Variants in DCDC1 observed in about 807,000 individuals in gnomAD.
The protein encoded by DCDC1 is doublecortin domain-containing protein 1.
In DCDC1, 200 loss-of-function variants were observed where a neutral mutation model predicts 178.3. That is an observed-to-expected ratio of 1.12 (90% CI 1.00 to 1.26). DCDC1 has a LOEUF of 1.26. DCDC1 is among the 50% of genes most tolerant of loss of function. DCDC1 has a pLI of 0.00. For synonymous variants in DCDC1, 690 were observed against 604.8 expected (o/e 1.14, Z -2.07); for missense variants, 1,983 against 1,749.2 (o/e 1.13, Z -2.38).
Position 31,091,514 on chromosome 11 carries a change from TC to T in DCDC1, c.2119-4del, listed in dbSNP as rs1309808678. On this transcript the variant is annotated splice_polypyrimidine_tract_variant and splice_region_variant and intron_variant, in intron 16 of 38. Coordinates refer to ENST00000684477, the MANE Select transcript of DCDC1 (RefSeq NM_001387274.1). ...GCTCGGCTCAGGATCATTCCAGTCT[TC>T]CAATGAATAGAGAGGGGGAGAAAGG... is the stretch of plus-strand genomic sequence containing the variant. The T allele has an allele frequency of 1.3e-6, 1 of 745,160 alleles. No individual in the cohort carries two copies. The highest frequency in any genetic ancestry group is 1.8e-5 in the Admixed American group (1 of 56,158). The allele number at this position is 745,160 out of a possible 1,614,324, so 46.2% of individuals were successfully genotyped here. A position where few individuals can be genotyped will look rare whatever the true frequency, so the allele number is the denominator to read the frequency against.
Position 30,906,607 on chromosome 11 carries a change from C to T in DCDC1, c.4037G>A (p.Cys1346Tyr), listed in dbSNP as rs1945083919. The T allele has an allele frequency of 1.2e-6, 2 of 1,613,276 alleles. No individual in the cohort carries two copies. Among genetic ancestry groups the T allele is most frequent in the African/African-American group, 1.3e-5 (1 of 74,880 alleles). The change falls in exon 30 of 39, where the codon TGT becomes TAT. Residue 1346 changes from cysteine (C) to tyrosine (Y), a missense_variant. Cys to Tyr is a radical substitution (Grantham distance 194). Coordinates refer to ENST00000684477, the MANE Select transcript of DCDC1 (RefSeq NM_001387274.1). ...KQLLPGVPFL[C>Y]ISGTKTQKPF... is the part of the protein sequence containing the mutation. ...CTTCTGAGTCTTGGTGCCTGAAATACAGAGGAATGGAACCCCTGGAAGCAA... is the reference window on the plus strand; with the variant it reads ...CTTCTGAGTCTTGGTGCCTGAAATATAGAGGAATGGAACCCCTGGAAGCAA...
At chr11:31,075,895 A>G (rs917878220) in intron 18 of DCDC1, among the ~76,000 whole-genome samples, 8 of 152,070 alleles carry the variant, frequency 5.3e-5, no homozygotes, top group African/African-American at 1.9e-4. Flanking sequence ...CTTGTTGCCC[A>G]TACTGGAGTG....
At chr11:31,343,522 G>C (rs1199082314) in intron 1 of DCDC1, among the ~76,000 whole-genome samples, 1 of 152,034 alleles carries the variant, frequency 6.6e-6, no homozygotes, top group Admixed American at 6.6e-5. Context: ...GGTCAGGCTG[G>C]TCTCAAACTC....
intron 36 of DCDC1, among the ~76,000 whole-genome samples, chr11:30,891,016 G>A (rs997499220): frequency 6.6e-6 from 1 of 152,114 alleles, no homozygotes; most frequent in African/African-American, 2.4e-5. Flanking sequence ...GCTTTGATAT[G>A]TACTTTCTTA....
intron 20 of DCDC1, among the ~76,000 whole-genome samples, chr11:31,010,206 G>A (rs1286417810): frequency 1.3e-5 from 2 of 152,244 alleles, no homozygotes; most frequent in Non-Finnish European, 2.9e-5. Context: ...CATCACAAGT[G>A]TGAAGTCCAG....
chr11:30,915,662 C>A lies in DCDC1; in HGVS notation c.3502G>T (p.Glu1168Ter). 1 of 1,613,858 alleles carries A rather than the reference C, an allele frequency of 6.2e-7. No individual in the cohort carries two copies. The highest frequency in any genetic ancestry group is 1.1e-5 in the South Asian group (1 of 91,058). Residue 1168 changes from glutamate to a stop codon, truncating the protein, a stop_gained, in exon 27 of 39, where the codon GAA (glutamate) becomes TAA (stop). Transcript: ENST00000684477. LOFTEE classifies it high-confidence loss of function. ...CTTATAATCTGCCCATCTCTGTATT[C>A]GAACTGCTGATGACAATGCTTGTGC... ...KLHKHCHQQF[E>*]YRDGQIISHA... is the part of the protein sequence containing the mutation.
chr11:31,345,179 G>C (rs906348493), intron 1 of DCDC1, among the ~76,000 whole-genome samples: 2 of 152,062 alleles, frequency 1.3e-5, no homozygotes, highest in Non-Finnish European at 2.9e-5. Flanking sequence ...ATAGTATGTG[G>C]TTATTGCAGA....
chr11:31,196,803 C>T (rs1437904304), intron 9 of DCDC1, among the ~76,000 whole-genome samples: 1 of 152,090 alleles, frequency 6.6e-6, no homozygotes, highest in Admixed American at 6.6e-5. Context: ...ATCTCCAACT[C>T]CTCCCCAAAG....
In DCDC1 at chr11:30,892,897, T is replaced by C; in HGVS notation, c.5003A>G (p.Asn1668Ser). ...TAGATAAATCCACACTCGTTTTGTGTTGGGCTGCTTATACAGGTTGCTCGG... is the reference window on the plus strand; with the variant it reads ...TAGATAAATCCACACTCGTTTTGTGCTGGGCTGCTTATACAGGTTGCTCGG... ...VKPSNLYKQP[N>S]TKRVWIYLNG... The change falls in exon 36 of 39, where the codon AAC becomes AGC. Residue 1668 changes from asparagine (N) to serine (S), a missense_variant. By Grantham distance (46) the Asn-to-Ser change is conservative. Coordinates refer to ENST00000684477, the MANE Select transcript of DCDC1 (RefSeq NM_001387274.1). 6.2e-7 allele frequency: 1 copy of C among 1,613,956 alleles called. No homozygotes were observed. The highest frequency in any genetic ancestry group is 8.5e-7 in the Non-Finnish European group (1 of 1,179,846).
At chr11:30,932,866 A>T (rs1250302498) in intron 21 of DCDC1, among the ~76,000 whole-genome samples, 1 of 152,192 alleles carries the variant, frequency 6.6e-6, no homozygotes, top group Non-Finnish European at 1.5e-5. Context: ...CCAAGTTCAC[A>T]GTTTGGGTAA....
At chr11:30,939,599 T>G (rs898410470) in intron 21 of DCDC1, among the ~76,000 whole-genome samples, 8 of 152,146 alleles carry the variant, frequency 5.3e-5, no homozygotes, top group African/African-American at 1.7e-4. Context: ...GTTTCATTAT[T>G]CCCCTTGTAA....
Position 31,022,643 on chromosome 11 carries a change from TTGTGTGTGTGTGTG to T in DCDC1, c.2591+41812_2591+41825del, listed in dbSNP as rs4067986. On this transcript the variant is annotated intron_variant, in intron 20 of 38. Coordinates refer to ENST00000684477, the MANE Select transcript of DCDC1 (RefSeq NM_001387274.1). The stretch of plus-strand genomic sequence containing the variant: ...TCTTGTTTATCTAGTGTCTTTTAGT[TTGTGTGTGTGTGTG>T]TGTGTGTGTGTGTGTGTGTGTGTGT... Among the ~76,000 whole-genome samples, 19 of 121,046 alleles carry T rather than the reference TTGTGTGTGTGTGTG, an allele frequency of 1.6e-4. 1 individual carries two copies. The East Asian group carries it at 1.6e-3, about 10-fold the overall frequency. 79.4% of individuals were successfully genotyped at this position (121,046 alleles called of 152,430 possible). A position where few individuals can be genotyped will look rare whatever the true frequency, so the allele number is the denominator to read the frequency against.
At chr11:31,166,506 T>C (rs1255172669) in intron 9 of DCDC1, among the ~76,000 whole-genome samples, 1 of 152,142 alleles carries the variant, frequency 6.6e-6, no homozygotes, top group African/African-American at 2.4e-5. Context: ...ATGCAAAGCA[T>C]GACAAAAGAA....
chr11:30,878,858 T>G (rs981706902), intron 37 of DCDC1, 147 bp from the exon 38 acceptor site: 2 of 656,976 alleles, frequency 3.0e-6, no homozygotes, highest in Admixed American at 7.0e-5. Flanking sequence ...TGACTTCTTA[T>G]CACATGAGAT....
At chr11:31,055,760 A>G (rs1240328202) in intron 20 of DCDC1, among the ~76,000 whole-genome samples, 1 of 152,188 alleles carries the variant, frequency 6.6e-6, no homozygotes. Flanking sequence ...GAATGGAAAA[A>G]CCAAACATCA....
At chr11:30,918,013 C>T (rs1420620186) in intron 25 of DCDC1, among the ~76,000 whole-genome samples, 1 of 151,702 alleles carries the variant, frequency 6.6e-6, no homozygotes, top group African/African-American at 2.4e-5. Flanking sequence ...GCAGCACAAG[C>T]GGCTTCTGAA....
At chr11:31,213,163 G>GTCT (rs1972972363) in intron 9 of DCDC1, among the ~76,000 whole-genome samples, 1 of 73,856 alleles carries the variant, frequency 1.4e-5, no homozygotes, top group African/African-American at 5.8e-5. Flanking sequence ...CTCTCTCTCT[G>GTCT]CTTTCTTTAC....
intron 7 of DCDC1, among the ~76,000 whole-genome samples, chr11:31,285,088 A>G (rs936736337): frequency 3.3e-5 from 5 of 151,854 alleles, no homozygotes; most frequent in Non-Finnish European, 5.9e-5. Context: ...TTAGAATTTC[A>G]TTTTTAAAAA....
intron 17 of DCDC1, among the ~76,000 whole-genome samples, chr11:31,082,279 G>A (rs748467377): frequency 2.0e-5 from 3 of 152,026 alleles, no homozygotes; most frequent in Non-Finnish European, 4.4e-5. Context: ...TTAGTCTCTA[G>A]TGGCCTTGCA....
Sources: allele counts gnomAD v4.1 joint callset (sites outside exome capture counted in the v4.1 genomes callset), GRCh38; gene constraint gnomAD v4.1.1; transcripts MANE v1.5; gene names NCBI Gene and HGNC (gene_info 2026-07-23, HGNC 2026-07-21).